The following ANK3 variants were observed in gnomAD, a reference collection of about 807,000 sequenced individuals.
The protein encoded by ANK3 is ankyrin 3.
ANK3 carries 57 observed loss-of-function variants against 370.9 expected under a neutral mutation model. The observed-to-expected ratio is 0.15, with a 90% confidence interval of 0.12 to 0.19. ANK3 has a LOEUF of 0.19. Among genes scored for constraint, ANK3 ranks in the 10% least tolerant of loss-of-function variants. The pLI is 1.00. For missense variants in ANK3, 4,439 were observed against 5,302.1 expected (o/e 0.84, Z 5.06); for synonymous variants, 1,929 against 1,946.3 (o/e 0.99, Z 0.23).
intron 4 of ANK3, among the ~76,000 whole-genome samples, chr10:60,278,024 A>T (rs948999300): frequency 6.6e-6 from 1 of 152,238 alleles, no homozygotes; most frequent in African/African-American, 2.4e-5. Flanking sequence ...ATAATAAAGC[A>T]AAGTTAATTC....
chr10:60,577,871 T>C (rs2077702346), intron 2 of ANK3, among the ~76,000 whole-genome samples: 1 of 152,208 alleles, frequency 6.6e-6, no homozygotes, highest in Non-Finnish European at 1.5e-5. Flanking sequence ...TGGTACATCT[T>C]CTTACAGCAA....
In ANK3 at chr10:60,270,176, G is replaced by C. The variant is rs71495633; in HGVS notation, c.468C>G (p.Val156=). 229,425 of 1,598,666 alleles carry C rather than the reference G, an allele frequency of 0.14. 18,282 individuals are homozygous for C. The highest frequency in any genetic ancestry group is 0.16 in the Non-Finnish European group (190,230 of 1,170,724). ...TTGCACCATTGTCAAGAAGAAACTTGACAACTTCCAGGTGATTTTCCTGGG... is the reference window on the plus strand; with the variant it reads ...TTGCACCATTGTCAAGAAGAAACTTCACAACTTCCAGGTGATTTTCCTGGG... ...MAAQENHLEV[V]KFLLDNGASQ... The change falls in exon 5 of 44, where the codon GTC becomes GTG. Residue 156 remains valine (V), a synonymous_variant. Coordinates refer to ENST00000280772, the MANE Select transcript of ANK3 (RefSeq NM_020987.5).
At chr10:60,287,716 G>C (rs1394227729) in intron 1 of ANK3, among the ~76,000 whole-genome samples, 1 of 152,138 alleles carries the variant, frequency 6.6e-6, no homozygotes, top group Non-Finnish European at 1.5e-5. Flanking sequence ...AAGCAGCAAG[G>C]AATGAAACCC....
intron 1 of ANK3, among the ~76,000 whole-genome samples, chr10:60,723,969 G>A (rs1423315579): frequency 1.3e-5 from 2 of 151,204 alleles, no homozygotes; most frequent in Admixed American, 1.3e-4. Context: ...CCAGCACTTT[G>A]GGAGGCCGAG....
rs922876368 is a variant in ANK3 at position 60,028,817 on chromosome 10, A to T, written c.*1029T>A. On this transcript the variant is annotated 3_prime_UTR_variant, in exon 44 of 44. Transcript: ENST00000280772. ...TTTACCCCCTTTTAAGCACTAACAG[A>T]TAGCATCCCCCCACCCCCTAAAGCA... The T allele has an allele frequency of 2.0e-5, 3 of 152,242 alleles. No individual in the cohort carries two copies. Among genetic ancestry groups the T allele is most frequent in the Admixed American group, 1.3e-4 (2 of 15,246 alleles). The allele number at this position is 152,242 out of a possible 1,614,324, so 9.4% of individuals were successfully genotyped here. A position where few individuals can be genotyped will look rare whatever the true frequency, so the allele number is the denominator to read the frequency against.
chr10:60,659,775 T>A (rs150202749), intron 1 of ANK3, among the ~76,000 whole-genome samples: 188 of 152,188 alleles, frequency 1.2e-3, no homozygotes, highest in African/African-American at 4.2e-3. Context: ...AAAAGACAAC[T>A]GGCTGCCTTC....
intron 9 of ANK3, among the ~76,000 whole-genome samples, chr10:60,211,176 T>C (rs1405593782): frequency 6.6e-6 from 1 of 152,154 alleles, no homozygotes; most frequent in African/African-American, 2.4e-5. Context: ...AGACTGTGTA[T>C]GGAGCCGTCA....
intron 1 of ANK3, among the ~76,000 whole-genome samples, chr10:60,362,949 C>G (rs1356702926): frequency 6.6e-6 from 1 of 152,054 alleles, no homozygotes; most frequent in Non-Finnish European, 1.5e-5. Context: ...GTGGGCTATC[C>G]TGGACATAGA....
At chr10:60,624,640 A>C (rs2078383677) in intron 1 of ANK3, among the ~76,000 whole-genome samples, 1 of 152,060 alleles carries the variant, frequency 6.6e-6, no homozygotes, top group Non-Finnish European at 1.5e-5. Flanking sequence ...GTCAGAAATG[A>C]ACATGGTCTT....
chr10:60,165,075 T>C (rs1182654848), intron 23 of ANK3, among the ~76,000 whole-genome samples: 2 of 152,322 alleles, frequency 1.3e-5, no homozygotes, highest in South Asian at 2.1e-4. Context: ...ATAAGGCTGT[T>C]AGTCCATTCA....
At position 60,162,887 on chromosome 10, in the gene ANK3, G is replaced by A. The variant is rs73261202; in HGVS notation, c.2614+3704C>T. Among the ~76,000 whole-genome samples, 1,296 of 151,884 alleles carry A rather than the reference G, an allele frequency of 8.5e-3. 17 individuals carry two copies. Among genetic ancestry groups the A allele is most frequent in the African/African-American group, 0.029 (1,206 of 41,392 alleles). On this transcript the variant is annotated intron_variant, in intron 23 of 43. Transcript: ENST00000280772. ...ATTATCTCCCATCTATAGTTCTTTC[G>A]ATCTGTAACTACACTCCAATCCACT...
chr10:60,482,443 A>G (rs1009497427), intron 2 of ANK3, among the ~76,000 whole-genome samples: 1 of 152,208 alleles, frequency 6.6e-6, no homozygotes, highest in Non-Finnish European at 1.5e-5. Context: ...CACCAGATTT[A>G]CAAGTGTTCT....
Position 60,075,677 on chromosome 10 carries a change from C to A in ANK3, c.5204G>T (p.Cys1735Phe), listed in dbSNP as rs774735705. The change falls in exon 37 of 44, where the codon TGC (cysteine) becomes TTC (phenylalanine). Residue 1735 changes from cysteine to phenylalanine, a missense_variant. Around this residue, in one of 13 missense-constraint regions of ANK3, gnomAD observed 679 missense variants for 791.0 expected, o/e 0.86. Transcript: ENST00000280772. ...YPSSSTLING[C>F]KATATLQEKI... ...TTCCTGTAACGTGGCAGTGGCTTTGCATCCATTAATTAAAGTTGAGGATGA... is the reference window on the plus strand; with the variant it reads ...TTCCTGTAACGTGGCAGTGGCTTTGAATCCATTAATTAAAGTTGAGGATGA... 41 of 1,614,012 alleles carry A rather than the reference C, an allele frequency of 2.5e-5. No individual in the cohort carries two copies. The highest frequency in any genetic ancestry group is 3.3e-5 in the Non-Finnish European group (39 of 1,180,014).
intron 2 of ANK3, among the ~76,000 whole-genome samples, chr10:60,410,437 T>C (rs970077651): frequency 1.3e-5 from 2 of 152,186 alleles, no homozygotes; most frequent in African/African-American, 2.4e-5. Context: ...TGATACTTAA[T>C]AGGTGGTTCT....
At position 60,312,455 on chromosome 10, in the gene ANK3, C is replaced by T. The variant is rs532978196; in HGVS notation, c.115-32816G>A. On this transcript the variant is annotated intron_variant, in intron 1 of 43. Coordinates refer to ENST00000280772, the MANE Select transcript of ANK3 (RefSeq NM_020987.5). ...ATGATCCAGAGAGGTAGACATGACA[C>T]ATGGTCTGTTCCTACCTTAAAGGGG... 2.0e-5 allele frequency among the ~76,000 whole-genome samples: 3 copies of T among 152,336 alleles called. No individual in the cohort carries two copies. In the South Asian group the frequency reaches 6.2e-4, roughly 32 times the overall value.
chr10:60,368,255 T>C (rs1286768985), intron 1 of ANK3, among the ~76,000 whole-genome samples: 1 of 148,362 alleles, frequency 6.7e-6, no homozygotes, highest in Non-Finnish European at 1.5e-5. Flanking sequence ...ACACACACTT[T>C]CCAAGAAAAA....
intron 2 of ANK3, among the ~76,000 whole-genome samples, chr10:60,466,497 G>A (rs1791369639): frequency 6.6e-6 from 1 of 152,096 alleles, no homozygotes; most frequent in Non-Finnish European, 1.5e-5. Context: ...AGCTGCTTTG[G>A]AAAACAGTCT....
rs1436520370 is a variant in ANK3 at position 60,073,719 on chromosome 10, C to T, written c.7162G>A (p.Glu2388Lys). The T allele has an allele frequency of 6.2e-7, 1 of 1,613,836 alleles. No individual in the cohort carries two copies. The highest frequency in any genetic ancestry group is 1.3e-5 in the African/African-American group (1 of 74,890). ...EKHDAFPCSE[E>K]QGQQEEEELT... is the part of the protein sequence containing the mutation. ...TCTTCTTCTTCTTGCTGACCCTGTT[C>T]CTCTGAACAAGGAAAAGCATCGTGT... is the stretch of plus-strand genomic sequence containing the variant. The change falls in exon 37 of 44, where the codon GAA becomes AAA. Residue 2388 changes from glutamate (E) to lysine (K), a missense_variant. Transcript: ENST00000280772.
intron 16 of ANK3, among the ~76,000 whole-genome samples, chr10:60,193,904 T>C (rs2096540484): frequency 6.6e-6 from 1 of 152,104 alleles, no homozygotes; most frequent in African/African-American, 2.4e-5. Context: ...GAGGATCACT[T>C]GAGGTTGCGA....
Sources: gnomAD v4.1 joint callset for allele counts (sites outside exome capture counted in the v4.1 genomes callset) on GRCh38, gnomAD v4.1.1 for gene constraint, gnomAD v4.1.1 regional missense constraint, MANE v1.5 for transcripts, NCBI Gene and HGNC (gene_info 2026-07-23, HGNC 2026-07-21) for gene names.